The following NOS3 variants were observed in gnomAD, a reference collection of about 807,000 sequenced individuals.
NOS3 encodes nitric oxide synthase 3, also known as NOS type III.
NOS3 carries 98 observed loss-of-function variants against 144.9 expected under a neutral mutation model. The observed-to-expected ratio is 0.68, with a 90% CI of 0.57 to 0.80. NOS3 has a LOEUF of 0.80. NOS3 is among the 30% of genes least tolerant of loss of function. NOS3 has a pLI of 0.00. For missense variants in NOS3, 1,465 were observed against 1,656.4 expected (o/e 0.88, Z 2.01); for synonymous variants, 714 against 702.4 (o/e 1.02, Z -0.26).
intron 17 of NOS3, among the ~76,000 whole-genome samples, chr7:151,008,699 T>G (rs1035369182): frequency 7.9e-5 from 12 of 152,044 alleles, no homozygotes; most frequent in Non-Finnish European, 1.8e-4. Context: ...ACGCACCAGA[T>G]AAGGAACGAT....
rs200507709 is a variant in NOS3, at chr7:151,010,244, C to T, written c.2642C>T (p.Ala881Val). Residue 881 changes from alanine (A) to valine (V), a missense_variant, in exon 21 of 27, where the codon GCA becomes GTA. Physicochemically the swap from Ala to Val is moderately conservative, Grantham distance 64. This residue lies in a region of NOS3 where 745 missense variants were observed against 853.9 expected (regional missense o/e 0.87). Transcript: ENST00000297494. ...PQLLRLLSTL[A>V]EEPREQQELE... ...CTCTTGCGGCTGCTCAGCACCTTGG[C>T]AGAAGAGCCCAGGGAACAGCAGGAG... is the stretch of plus-strand genomic sequence containing the variant. The T allele has an allele frequency of 1.5e-4, 239 of 1,613,046 alleles. No homozygotes were observed. Among genetic ancestry groups the T allele is most frequent in the Non-Finnish European group, 2.0e-4 (232 of 1,179,936 alleles).
At chr7:151,001,751 G>T (rs980950368) in intron 12 of NOS3, 70 bp from the exon 13 acceptor site, 1 of 1,600,194 alleles carries the variant, frequency 6.2e-7, no homozygotes, top group Non-Finnish European at 8.6e-7. Flanking sequence ...TTGTGAGGGG[G>T]TTGGACCCTT....
chr7:151,012,073 C>T, intron 23 of NOS3: 1 of 400,942 alleles, frequency 2.5e-6, no homozygotes, highest in Non-Finnish European at 4.6e-6. Flanking sequence ...CCATTATGAA[C>T]TGAAAGTGTC....
Position 150,998,255 on chromosome 7 carries a change from A to C in NOS3, c.583-102A>C, listed in dbSNP as rs1584900950. On this transcript the variant is annotated intron_variant, in intron 5 of 26. Transcript: ENST00000297494. This position sits in a 1 kb window ranked among gnomAD's most constrained non-coding sequence, Gnocchi z 5.0. ...TGGTCAGGAGGGCGCCATGGAGTGAACCATGGCCCCTGCCTCCTCACCAGC... is the reference window on the plus strand; with the variant it reads ...TGGTCAGGAGGGCGCCATGGAGTGACCCATGGCCCCTGCCTCCTCACCAGC... 4.9e-6 allele frequency: 5 copies of C among 1,012,058 alleles called. No homozygotes were observed. The highest frequency in any genetic ancestry group is 1.5e-6 in the Non-Finnish European group (1 of 672,916). 62.7% of individuals were successfully genotyped at this position (1,012,058 alleles called of 1,614,324 possible). A position where few individuals can be genotyped will look rare whatever the true frequency, so the allele number is the denominator to read the frequency against.
At chr7:151,007,826 A>G (rs745452579) in intron 17 of NOS3, among the ~76,000 whole-genome samples, 1 of 152,206 alleles carries the variant, frequency 6.6e-6, no homozygotes, top group Non-Finnish European at 1.5e-5. Context: ...CCTCAGGGGC[A>G]GTGCTGCCTG....
rs1439292078 is a variant in NOS3, at chr7:151,001,809, C to T, written c.1503-12C>T. 6.2e-7 allele frequency: 1 copy of T among 1,613,612 alleles called. No homozygotes were observed. The highest frequency in any genetic ancestry group is 8.5e-7 in the Non-Finnish European group (1 of 1,179,994). ...TGCACCCAGGACACCCTCACACCTTCCTCTCCCGCAGCGCCGTGAAGATCT... is the reference window on the plus strand; with the variant it reads ...TGCACCCAGGACACCCTCACACCTTTCTCTCCCGCAGCGCCGTGAAGATCT... On this transcript the variant is annotated splice_polypyrimidine_tract_variant and intron_variant, in intron 12 of 26. Coordinates refer to ENST00000297494, the MANE Select transcript of NOS3 (RefSeq NM_000603.5).
chr7:151,012,333 G>T lies in NOS3; in HGVS notation c.2985-18G>T. Reference sequence around the variant, plus strand: ...CAGGAAAGGCAAAGGGGACCTGATGGAGTGTCTCTCCTGCCAGGGCTCCCT... The same window carrying T: ...CAGGAAAGGCAAAGGGGACCTGATGTAGTGTCTCTCCTGCCAGGGCTCCCT... On this transcript the variant is annotated intron_variant, in intron 23 of 26. Transcript: ENST00000297494. The T allele has an allele frequency of 6.5e-7, 1 of 1,547,000 alleles. No homozygotes were observed. Among genetic ancestry groups the T allele is most frequent in the Non-Finnish European group, 8.7e-7 (1 of 1,143,272 alleles).
intron 14 of NOS3, among the ~76,000 whole-genome samples, chr7:151,004,631 A>G (rs1432657219): frequency 7.2e-5 from 11 of 152,230 alleles, no homozygotes; most frequent in Admixed American, 7.2e-4. Context: ...AACCACACAC[A>G]ACAGTGCAGG....
chr7:151,007,755 G>C (rs891511), intron 17 of NOS3, among the ~76,000 whole-genome samples: 1 of 152,080 alleles, frequency 6.6e-6, no homozygotes, highest in East Asian at 1.9e-4. Context: ...GTCCCGGGCC[G>C]GGCAAGCAAG....
intron 20 of NOS3, 39 bp downstream of exon 20, chr7:151,009,624 C>A: frequency 6.9e-7 from 1 of 1,455,798 alleles, no homozygotes; most frequent in Non-Finnish European, 9.1e-7. Context: ...CACACCAGCC[C>A]CATGCCCAGC....
chr7:150,996,694 G>C, intron 4 of NOS3, 69 bp from the exon 5 acceptor site: 1 of 1,541,848 alleles, frequency 6.5e-7, no homozygotes, highest in Non-Finnish European at 8.8e-7. Context: ...CTTGCACAAA[G>C]CCTGGAGGAG....
At position 151,009,519 on chromosome 7, in the gene NOS3, C is replaced by A; in HGVS notation, c.2446C>A (p.Arg816Ser). The part of the protein sequence containing the change: ...RPGLVEALLS[R>S]VEDPPAPTEP... Reference sequence around the variant, plus strand: ...CGGCCTTGTGGAGGCGCTGCTGAGCCGCGTGGAGGACCCGCCGGCGCCCAC... The same window carrying A: ...CGGCCTTGTGGAGGCGCTGCTGAGCAGCGTGGAGGACCCGCCGGCGCCCAC... Residue 816 changes from arginine to serine, a missense_variant, in exon 20 of 27, where the codon CGC becomes AGC. Arg to Ser is a moderately radical substitution (Grantham distance 110, BLOSUM62 -1). Around this residue, in one of 5 missense-constraint regions of NOS3, gnomAD observed 745 missense variants for 853.9 expected, o/e 0.87. Transcript: ENST00000297494. 1 of 1,546,504 alleles carries A rather than the reference C, an allele frequency of 6.5e-7. No individual in the cohort carries two copies. The highest frequency in any genetic ancestry group is 8.7e-7 in the Non-Finnish European group (1 of 1,146,218).
rs748582484 is a variant in NOS3, at chr7:150,996,782, G to A, written c.439G>A (p.Glu147Lys). ...SIKRSGSQAH[E>K]QRLQEVEAEV... ...CCCCAGGAGCGGCTCCCAGGCCCAC[G>A]AACAGCGGCTTCAAGAGGTGGAAGC... The change falls in exon 5 of 27, where the codon GAA becomes AAA. Residue 147 changes from glutamate to lysine, a missense_variant. Transcript: ENST00000297494. 3.7e-6 allele frequency: 6 copies of A among 1,611,662 alleles called. No homozygotes were observed. The Admixed American group carries it at 6.7e-5, about 18-fold the overall frequency.
In NOS3 at chr7:151,014,567, C is replaced by A; in HGVS notation, c.*398C>A. On this transcript the variant is annotated 3_prime_UTR_variant, in exon 27 of 27. Coordinates refer to ENST00000297494, the MANE Select transcript of NOS3 (RefSeq NM_000603.5). ...ACTGTGCCAGATGTTAGGAGAACTA[C>A]TAAAGTGCCTACCCCAGCTCATGTG... 5.5e-6 allele frequency: 1 copy of A among 183,362 alleles called. No individual in the cohort carries two copies. The highest frequency in any genetic ancestry group is 1.1e-5 in the Non-Finnish European group (1 of 89,442). 11.4% of individuals were successfully genotyped at this position (183,362 alleles called of 1,614,324 possible). A position where few individuals can be genotyped will look rare whatever the true frequency, so the allele number is the denominator to read the frequency against.
At chr7:151,007,977 G>A (rs1425775845) in intron 17 of NOS3, among the ~76,000 whole-genome samples, 5 of 152,234 alleles carry the variant, frequency 3.3e-5, no homozygotes, top group Non-Finnish European at 7.3e-5. Flanking sequence ...TAGGAGGAGA[G>A]GGAGTGGGGG....
At chr7:151,005,304 C>G (rs1398836055) in intron 14 of NOS3, among the ~76,000 whole-genome samples, 2 of 152,218 alleles carry the variant, frequency 1.3e-5, no homozygotes, top group Non-Finnish European at 2.9e-5. Context: ...CTCTGGCGCA[C>G]TTGGGAACCA....
At position 151,002,288 on chromosome 7, in the gene NOS3, C is replaced by A. The variant is rs1795124828; in HGVS notation, c.1736C>A (p.Pro579His). 1 of 1,590,452 alleles carries A rather than the reference C, an allele frequency of 6.3e-7. No individual in the cohort carries two copies. Among genetic ancestry groups the A allele is most frequent in the Non-Finnish European group, 8.6e-7 (1 of 1,166,848 alleles). ...ACCAGCACATTTGGGAATGGGGATC[C>A]CCCGGAGAATGGAGAGGTGAGAACT... ...VVTSTFGNGDPPENGESFAAA... is the reference protein window; with the variant it reads ...VVTSTFGNGDHPENGESFAAA... The change falls in exon 14 of 27, where the codon CCC (proline) becomes CAC (histidine). Residue 579 changes from proline (P) to histidine (H), a missense_variant. Pro to His is a moderately conservative substitution (Grantham distance 77, BLOSUM62 -2). Around this residue, in one of 5 missense-constraint regions of NOS3, gnomAD observed 745 missense variants for 853.9 expected, o/e 0.87. Coordinates refer to ENST00000297494, the MANE Select transcript of NOS3 (RefSeq NM_000603.5). This position sits in a 1 kb window ranked among gnomAD's most constrained non-coding sequence, Gnocchi z 4.1.
In NOS3 at chr7:151,006,921, G is replaced by A; in HGVS notation, c.1853G>A (p.Cys618Tyr). 2.5e-6 allele frequency: 4 copies of A among 1,614,118 alleles called. No individual in the cohort carries two copies. The South Asian group carries it at 3.3e-5, about 13-fold the overall frequency. ...AAGATCCGCTTCAACAGCATCTCCTGCTCAGACCCACTGGTGTCCTCTTGG... is the reference window on the plus strand; with the variant it reads ...AAGATCCGCTTCAACAGCATCTCCTACTCAGACCCACTGGTGTCCTCTTGG... ...SYKIRFNSISCSDPLVSSWRR... is the reference protein window; with the variant it reads ...SYKIRFNSISYSDPLVSSWRR... The change falls in exon 16 of 27, where the codon TGC becomes TAC. Residue 618 changes from cysteine to tyrosine, a missense_variant. By Grantham distance (194) the Cys-to-Tyr change is radical (BLOSUM62 -2). This residue lies in a region of NOS3 where 745 missense variants were observed against 853.9 expected (regional missense o/e 0.87). Transcript: ENST00000297494.
intron 14 of NOS3, among the ~76,000 whole-genome samples, chr7:151,006,226 T>C (rs1049860204): frequency 2.3e-4 from 35 of 152,334 alleles, no homozygotes; most frequent in Middle Eastern, 3.4e-3. Flanking sequence ...GGAGGGAAGA[T>C]GGGGTGGTCT....
Sources: gnomAD v4.1 joint callset for allele counts (sites outside exome capture counted in the v4.1 genomes callset) on GRCh38, gnomAD v4.1.1 for gene constraint, gnomAD v4.1.1 regional missense constraint, Gnocchi (gnomAD v3.1) non-coding constraint, MANE v1.5 for transcripts, NCBI Gene and HGNC (gene_info 2026-07-23, HGNC 2026-07-21) for gene names.